The following STAM variants were observed in gnomAD, a reference collection of about 807,000 sequenced individuals.
The protein encoded by STAM is signal transducing adapter molecule 1.
Under a neutral mutation model 63.4 loss-of-function variants are expected in STAM, and 16 were observed. The ratio of observed to expected loss-of-function variants is 0.25; its 90% CI spans 0.17 to 0.38. STAM has a LOEUF of 0.38. STAM is among the 10% of genes least tolerant of loss of function. The pLI is 1.00. For missense variants in STAM, 636 were observed against 657.1 expected, an observed-to-expected ratio of 0.97 and a Z score of 0.35; for synonymous variants, 238 against 223.9, an observed-to-expected ratio of 1.06 and a Z score of -0.56.
intron 2 of STAM, among the ~76,000 whole-genome samples, chr10:17,670,369 C>T (rs1564540840): frequency 2.0e-5 from 3 of 152,108 alleles, no homozygotes; most frequent in East Asian, 1.9e-4. Context: ...TTGTCTAAAA[C>T]GAGTGAGCAG....
At chr10:17,691,085 C>A (rs1835510050) in intron 5 of STAM, among the ~76,000 whole-genome samples, 1 of 152,186 alleles carries the variant, frequency 6.6e-6, no homozygotes, top group Non-Finnish European at 1.5e-5. Context: ...TCTGACCAGG[C>A]ATACCTGTAG....
chr10:17,684,737 T>C lies in STAM; in HGVS notation c.188T>C (p.Met63Thr), dbSNP rs1554825873. The C allele has an allele frequency of 6.2e-7, 1 of 1,614,108 alleles. No individual in the cohort carries two copies. Among genetic ancestry groups the C allele is most frequent in the East Asian group, 2.2e-5 (1 of 44,850 alleles). ...RVNHKDPHVAMQALTLLGACV... is the reference protein window; with the variant it reads ...RVNHKDPHVATQALTLLGACV... ...AACCACAAAGATCCTCACGTTGCTA[T>C]GCAGGCTTTGACTGTGAGTGGTTTC... The change falls in exon 3 of 14, where the codon ATG becomes ACG. Residue 63 changes from methionine (M) to threonine (T), a missense_variant. Physicochemically the swap from Met to Thr is moderately conservative, Grantham distance 81. This residue lies in a region of STAM where 17 missense variants were observed against 39.9 expected (regional missense o/e 0.43). Coordinates refer to ENST00000377524, the MANE Select transcript of STAM (RefSeq NM_003473.4).
At chr10:17,697,876 CA>C (rs1835830656) in intron 8 of STAM, among the ~76,000 whole-genome samples, 1 of 151,758 alleles carries the variant, frequency 6.6e-6, no homozygotes, top group African/African-American at 2.4e-5. Flanking sequence ...TAGAAGGGAT[CA>C]AAGAAAATTA....
chr10:17,681,862 T>G (rs1312891292), intron 2 of STAM, among the ~76,000 whole-genome samples: 1 of 152,238 alleles, frequency 6.6e-6, no homozygotes, highest in Non-Finnish European at 1.5e-5. Context: ...AGTCCTTTGC[T>G]TATTATATAA....
intron 1 of STAM, among the ~76,000 whole-genome samples, chr10:17,660,037 T>A (rs1191388390): frequency 6.7e-6 from 1 of 150,326 alleles, no homozygotes; most frequent in African/African-American, 2.5e-5. Flanking sequence ...TTCAGTCCCC[T>A]CTCCATATTA....
intron 2 of STAM, among the ~76,000 whole-genome samples, chr10:17,678,997 A>C (rs1158808582): frequency 6.6e-6 from 1 of 152,178 alleles, no homozygotes; most frequent in African/African-American, 2.4e-5. Context: ...ATTGTATATC[A>C]CATTTTGTTT....
chr10:17,660,992 A>G (rs546302042), intron 2 of STAM, among the ~76,000 whole-genome samples: 1 of 152,232 alleles, frequency 6.6e-6, no homozygotes, highest in Non-Finnish European at 1.5e-5. Flanking sequence ...TTTCTCAGTT[A>G]CCAAGTTTCA....
rs193044074 is a variant in STAM, at chr10:17,706,333, C to T, written c.1209+592C>T. ...AATTACAGATATATCCATCCCACTCCAGACCTATTGAATCAGAATCCTCAG... is the reference window on the plus strand; with the variant it reads ...AATTACAGATATATCCATCCCACTCTAGACCTATTGAATCAGAATCCTCAG... On this transcript the variant is annotated intron_variant, in intron 12 of 13. Coordinates refer to ENST00000377524, the MANE Select transcript of STAM (RefSeq NM_003473.4). Among the ~76,000 whole-genome samples the T allele has an allele frequency of 2.7e-5, 4 of 148,984 alleles. No homozygotes were observed. The East Asian group carries it at 7.9e-4, about 29-fold the overall frequency.
intron 2 of STAM, among the ~76,000 whole-genome samples, chr10:17,671,297 T>A (rs1247204304): frequency 1.3e-5 from 2 of 152,240 alleles, no homozygotes; most frequent in African/African-American, 4.8e-5. Context: ...CACTCTAAAA[T>A]AACTTTGAAA....
chr10:17,674,405 C>T lies in STAM; in HGVS notation c.126-10270C>T, dbSNP rs115223885. On this transcript the variant is annotated intron_variant, in intron 2 of 13. Transcript: ENST00000377524. ...TCATGAAGTTGTAGTCACATAGTGCCTGGGACTAGGGTCATCTGAAGGCTT... is the reference window on the plus strand; with the variant it reads ...TCATGAAGTTGTAGTCACATAGTGCTTGGGACTAGGGTCATCTGAAGGCTT... Among the ~76,000 whole-genome samples, 1,059 of 152,196 alleles carry T rather than the reference C, an allele frequency of 7.0e-3. 9 individuals carry two copies. The highest frequency in any genetic ancestry group is 0.023 in the African/African-American group (952 of 41,514).
At chr10:17,691,240 C>A (rs1037945693) in intron 5 of STAM, among the ~76,000 whole-genome samples, 1 of 152,126 alleles carries the variant, frequency 6.6e-6, no homozygotes, top group Non-Finnish European at 1.5e-5. Context: ...AATGCCTGGC[C>A]GGGCGCGGTG....
At chr10:17,693,365 C>T in intron 6 of STAM, 53 bp downstream of exon 6, 2 of 1,407,534 alleles carry the variant, frequency 1.4e-6, no homozygotes, top group Non-Finnish European at 1.9e-6. Flanking sequence ...TATTTTTTCT[C>T]TGAGATATTT....
intron 7 of STAM, among the ~76,000 whole-genome samples, chr10:17,696,301 G>A (rs782744516): frequency 6.6e-6 from 1 of 151,908 alleles, no homozygotes; most frequent in Non-Finnish European, 1.5e-5. Context: ...ACACCTAGGA[G>A]TGTACTCTTT....
chr10:17,710,783 T>C (rs1221501846), intron 13 of STAM, among the ~76,000 whole-genome samples: 1 of 152,242 alleles, frequency 6.6e-6, no homozygotes, highest in Admixed American at 6.5e-5. Context: ...TATGAATACA[T>C]GTTTTAGTGT....
At chr10:17,648,827 A>G (rs1403850306) in intron 1 of STAM, among the ~76,000 whole-genome samples, 2 of 152,132 alleles carry the variant, frequency 1.3e-5, no homozygotes, top group Admixed American at 6.5e-5. Context: ...GTAGCTTCCT[A>G]TCCTACTTAA....
chr10:17,654,411 A>G (rs1190656925), intron 1 of STAM, among the ~76,000 whole-genome samples: 1 of 151,790 alleles, frequency 6.6e-6, no homozygotes, highest in East Asian at 1.9e-4. Flanking sequence ...TTTAGTAGAG[A>G]TGGGGTTTCA....
chr10:17,674,429 T>C (rs1362218561), intron 2 of STAM, among the ~76,000 whole-genome samples: 1 of 152,156 alleles, frequency 6.6e-6, no homozygotes, highest in African/African-American at 2.4e-5. Context: ...ATCTGAAGGC[T>C]TCACTGGGAT....
At chr10:17,647,232 C>T (rs550479074) in intron 1 of STAM, among the ~76,000 whole-genome samples, 30 of 152,140 alleles carry the variant, frequency 2.0e-4, no homozygotes, top group Admixed American at 1.0e-3. Context: ...TTAGAAGAAA[C>T]GTAAAGATAA....
chr10:17,705,937 G>A (rs1836246218), intron 12 of STAM, among the ~76,000 whole-genome samples, 196 bp downstream of exon 12: 1 of 151,872 alleles, frequency 6.6e-6, no homozygotes, highest in African/African-American at 2.4e-5. Context: ...CCAGGCTGGG[G>A]CATGTTCCTT....
Sources: allele counts gnomAD v4.1 joint callset (sites outside exome capture counted in the v4.1 genomes callset), GRCh38; gene constraint gnomAD v4.1.1; regional missense constraint gnomAD v4.1.1; transcripts MANE v1.5; gene names NCBI Gene and HGNC (gene_info 2026-07-23, HGNC 2026-07-21).